The following EPHA1 variants were observed in gnomAD, a reference collection of about 807,000 sequenced individuals.
EPHA1 encodes ephrin type-A receptor 1.
In EPHA1, 92 loss-of-function variants were observed where a neutral mutation model predicts 110.1. That is an observed-to-expected ratio of 0.84 (90% CI 0.71 to 0.99). The LOEUF is 0.99. Ranked by LOEUF, EPHA1 falls within the 50% of genes least tolerant of loss-of-function variation. EPHA1 has a pLI of 0.00. For synonymous variants in EPHA1, 500 were observed against 516.1 expected (o/e 0.97, Z 0.42); for missense variants, 1,204 against 1,285.4 (o/e 0.94, Z 0.97).
At position 143,391,533 on chromosome 7, in the gene EPHA1, T is replaced by C. The variant is rs760208570; in HGVS notation, c.2855A>G (p.Asp952Gly). ...CAGTGTGATTCCCATCTGCGTCAGG[T>C]CCCTGTGGGCAAGGAAGGGTGGGGG... ...MECVLELTAE[D>G]LTQMGITLPG... Residue 952 changes from aspartate (D) to glycine (G), a missense_variant and splice_region_variant, in exon 18 of 18, where the codon GAC becomes GGC. Asp to Gly is a moderately conservative substitution (Grantham distance 94, BLOSUM62 -1). Transcript: ENST00000275815. 1 of 1,614,064 alleles carries C rather than the reference T, an allele frequency of 6.2e-7. No individual in the cohort carries two copies. The highest frequency in any genetic ancestry group is 2.2e-5 in the East Asian group (1 of 44,872).
chr7:143,405,850 G>C (rs1805534921), intron 2 of EPHA1, among the ~76,000 whole-genome samples: 1 of 152,104 alleles, frequency 6.6e-6, no homozygotes. Flanking sequence ...GGGAAAGAAA[G>C]CAAGTAACCC....
chr7:143,394,680 A>C, intron 14 of EPHA1, 128 bp downstream of exon 14: 1 of 1,155,258 alleles, frequency 8.7e-7, no homozygotes, highest in Admixed American at 2.1e-5. Context: ...TCGGCCTCCC[A>C]AAGTGCTGGG....
chr7:143,400,179 G>A (rs1223275586), intron 3 of EPHA1, 126 bp from the exon 4 acceptor site: 7 of 1,136,692 alleles, frequency 6.2e-6, no homozygotes, highest in Non-Finnish European at 1.2e-6. Context: ...TGTGTGAGGT[G>A]CCAGGCTAAG....
chr7:143,407,902 C>T (rs1805600106), intron 1 of EPHA1: 1 of 387,462 alleles, frequency 2.6e-6, no homozygotes, highest in Non-Finnish European at 4.6e-6. Flanking sequence ...TAGAGTGGGA[C>T]AAGGGTTGGG....
In EPHA1 at chr7:143,401,630, G is replaced by A. The variant is rs1805424532; in HGVS notation, c.151-25C>T. The A allele has an allele frequency of 1.2e-6, 2 of 1,600,714 alleles. No individual in the cohort carries two copies. The highest frequency in any genetic ancestry group is 2.2e-5 in the South Asian group (2 of 90,302). On this transcript the variant is annotated intron_variant, in intron 2 of 17. Coordinates refer to ENST00000275815, the MANE Select transcript of EPHA1 (RefSeq NM_005232.5). The surrounding 1 kb of genome is among the most constrained non-coding windows in gnomAD (Gnocchi z 4.1). The stretch of plus-strand genomic sequence containing the variant: ...ACTGCAAGGAGGAAATCAGAGTCAG[G>A]GACCAGATCATCCCCTGCTCCCCAA...
rs551069772 is a variant in EPHA1, at chr7:143,397,912, T to C, written c.1615+8A>G. On this transcript the variant is annotated splice_region_variant and intron_variant, in intron 8 of 17. Transcript: ENST00000275815. Reference sequence around the variant, plus strand: ...ATGTGTGTTGGGGCAGAGCACAAGATACCCCACCTGGTGGGCTGGTCCGAA... The same window carrying C: ...ATGTGTGTTGGGGCAGAGCACAAGACACCCCACCTGGTGGGCTGGTCCGAA... 23 of 1,613,760 alleles carry C rather than the reference T, an allele frequency of 1.4e-5. No homozygotes were observed. In the East Asian group the frequency reaches 4.0e-4, roughly 28 times the overall value.
chr7:143,398,658 C>G lies in EPHA1; in HGVS notation c.1279G>C (p.Gly427Arg). The change falls in exon 6 of 18, where the codon GGG (glycine) becomes CGG (arginine). Residue 427 changes from glycine (G) to arginine (R), a missense_variant. Gly to Arg is a moderately radical substitution (Grantham distance 125, BLOSUM62 -2). Transcript: ENST00000275815. ...CTGGCATGGCCAGAGCTGCCCAGCC[C>G]TGACACTCCATTTTGGGCTTCCACA... is the stretch of plus-strand genomic sequence containing the variant. ...FNVEAQNGVS[G>R]LGSSGHASTS... The G allele has an allele frequency of 6.2e-7, 1 of 1,614,134 alleles. No individual in the cohort carries two copies. Among genetic ancestry groups the G allele is most frequent in the Non-Finnish European group, 8.5e-7 (1 of 1,179,994 alleles).
intron 6 of EPHA1, 53 bp downstream of exon 6, chr7:143,398,548 T>C: frequency 1.2e-6 from 2 of 1,606,932 alleles, no homozygotes; most frequent in Non-Finnish European, 1.7e-6. Context: ...TCTGTGGTCT[T>C]AAGCCCTTCT....
intron 2 of EPHA1, among the ~76,000 whole-genome samples, chr7:143,406,375 T>C (rs1412727766): frequency 6.6e-6 from 1 of 152,240 alleles, no homozygotes; most frequent in Admixed American, 6.5e-5. Flanking sequence ...ATTAGGTCCC[T>C]GCAGGGTGGC....
At chr7:143,407,438 C>T (rs998229799) in intron 2 of EPHA1, among the ~76,000 whole-genome samples, 173 bp downstream of exon 2, 1 of 151,822 alleles carries the variant, frequency 6.6e-6, no homozygotes. Flanking sequence ...GAAGTCTGAC[C>T]CCCCCACCCC....
chr7:143,402,950 G>A (rs1805460338), intron 2 of EPHA1, among the ~76,000 whole-genome samples: 1 of 152,160 alleles, frequency 6.6e-6, no homozygotes, highest in East Asian at 1.9e-4. Context: ...GCAATTGTTA[G>A]CAAAACTTTC....
In EPHA1 at chr7:143,393,777, C is replaced by A; in HGVS notation, c.2590G>T (p.Ala864Ser). The change falls in exon 16 of 18, where the codon GCA becomes TCA. Residue 864 changes from alanine to serine, a missense_variant. By Grantham distance (99) the Ala-to-Ser change is moderately conservative (BLOSUM62 1). Transcript: ENST00000275815. The surrounding 1 kb of genome is among the most constrained non-coding windows in gnomAD (Gnocchi z 5.6). ...TGTGGCCGGCGGGCACGGTCATATGCCCAGCAGTTCTTCATGAGCTCATAC... is the reference window on the plus strand; with the variant it reads ...TGTGGCCGGCGGGCACGGTCATATGACCAGCAGTTCTTCATGAGCTCATAC... Reference protein sequence around the residue: ...PLYELMKNCWAYDRARRPHFQ... With the variant: ...PLYELMKNCWSYDRARRPHFQ... 1 of 1,612,512 alleles carries A rather than the reference C, an allele frequency of 6.2e-7. No individual in the cohort carries two copies. Among genetic ancestry groups the A allele is most frequent in the Non-Finnish European group, 8.5e-7 (1 of 1,179,240 alleles).
At chr7:143,398,252 C>T (rs1805313822) in intron 7 of EPHA1, 69 bp downstream of exon 7, 2 of 1,602,326 alleles carry the variant, frequency 1.2e-6, no homozygotes, top group East Asian at 2.2e-5. Flanking sequence ...CAACCCACAC[C>T]CCAGGCTAGG....
intron 10 of EPHA1, 159 bp from the exon 11 acceptor site, chr7:143,396,669 A>C (rs887999817): frequency 2.5e-5 from 20 of 801,820 alleles, no homozygotes; most frequent in Non-Finnish European, 2.9e-5. Context: ...TCCATTTAGC[A>C]ACTAGGCCTT....
chr7:143,392,140 A>C (rs1586576191), intron 16 of EPHA1, among the ~76,000 whole-genome samples: 1 of 152,180 alleles, frequency 6.6e-6, no homozygotes, highest in East Asian at 1.9e-4. Flanking sequence ...AAAGTAGGAG[A>C]ACAGAGGCCT....
intron 10 of EPHA1, among the ~76,000 whole-genome samples, chr7:143,396,942 T>C (rs1403207423): frequency 6.6e-6 from 1 of 152,064 alleles, no homozygotes; most frequent in African/African-American, 2.4e-5. Context: ...AAGAAGCTCA[T>C]AAGCCTCGGA....
intron 6 of EPHA1, 68 bp downstream of exon 6, chr7:143,398,532 GT>G: frequency 6.2e-7 from 1 of 1,607,888 alleles, no homozygotes; most frequent in Non-Finnish European, 8.5e-7. Context: ...CTGCCCATCA[GT>G]TTGTTCTGTG....
intron 2 of EPHA1, among the ~76,000 whole-genome samples, chr7:143,403,221 A>C (rs1290541354): frequency 6.6e-6 from 1 of 152,178 alleles, no homozygotes. Flanking sequence ...ATACAAAAAA[A>C]TTAGCTGGGT....
In EPHA1 at chr7:143,401,092, T is replaced by C; in HGVS notation, c.432+232A>G. 1.7e-6 allele frequency: 1 copy of C among 585,282 alleles called. No homozygotes were observed. The highest frequency in any genetic ancestry group is 3.0e-6 in the Non-Finnish European group (1 of 335,218). The allele number at this position is 585,282 out of a possible 1,614,324, so 36.3% of individuals were successfully genotyped here. A position where few individuals can be genotyped will look rare whatever the true frequency, so the allele number is the denominator to read the frequency against. On this transcript the variant is annotated intron_variant, in intron 3 of 17. Coordinates refer to ENST00000275815, the MANE Select transcript of EPHA1 (RefSeq NM_005232.5). The surrounding 1 kb of genome is among the most constrained non-coding windows in gnomAD (Gnocchi z 4.1). ...ATTTTTTGCAGAGATGAAGTTTTGC[T>C]ATGTTGCCCAGGCTGGTCTCAAGCT...
Sources: allele counts gnomAD v4.1 joint callset (sites outside exome capture counted in the v4.1 genomes callset), GRCh38; gene constraint gnomAD v4.1.1; non-coding constraint Gnocchi (gnomAD v3.1); transcripts MANE v1.5; gene names NCBI Gene and HGNC (gene_info 2026-07-23, HGNC 2026-07-21).